Variants in DLGAP2 observed in about 807,000 individuals in gnomAD.
DLGAP2 encodes disks large-associated protein 2.
Under a neutral mutation model 100.3 loss-of-function variants are expected in DLGAP2, and 26 were observed. That is an observed-to-expected ratio of 0.26 (90% CI 0.19 to 0.36). The LOEUF (loss-of-function observed/expected upper bound fraction) is 0.36. Among genes scored for constraint, DLGAP2 ranks in the 10% least tolerant of loss-of-function variants. The probability of loss-of-function intolerance (pLI) is 1.00; values close to 1 mark genes in which losing one functional copy is unlikely to be tolerated. For synonymous variants in DLGAP2, 886 were observed against 630.1 expected (o/e 1.41, Z -6.08); for missense variants, 1,858 against 1,453.2 (o/e 1.28, Z -4.53).
At chr8:1,584,529 G>C (rs762621156) in intron 6 of DLGAP2, among the ~76,000 whole-genome samples, 1 of 152,176 alleles carries the variant, frequency 6.6e-6, no homozygotes, top group Non-Finnish European at 1.5e-5. Context: ...GGAGGGAAGC[G>C]GAGGGGAGAT....
chr8:1,244,599 C>T (rs1246838228), intron 2 of DLGAP2, among the ~76,000 whole-genome samples: 1 of 57,152 alleles, frequency 1.7e-5, no homozygotes, highest in Admixed American at 2.1e-4. Flanking sequence ...CACAGGCAGA[C>T]ACCCCAAATC....
chr8:1,437,449 G>C (rs1349941725), intron 3 of DLGAP2, among the ~76,000 whole-genome samples: 3 of 152,204 alleles, frequency 2.0e-5, no homozygotes, highest in African/African-American at 7.2e-5. Flanking sequence ...GGTTTGTAGC[G>C]TAAGACGATG....
At chr8:1,466,343 C>T (rs1038159384) in intron 3 of DLGAP2, among the ~76,000 whole-genome samples, 1 of 152,126 alleles carries the variant, frequency 6.6e-6, no homozygotes, top group African/African-American at 2.4e-5. Flanking sequence ...GACCCTCATC[C>T]TCAGCCGTGG....
At chr8:1,465,014 G>A (rs1798583851) in intron 3 of DLGAP2, among the ~76,000 whole-genome samples, 1 of 152,240 alleles carries the variant, frequency 6.6e-6, no homozygotes, top group South Asian at 2.1e-4. Flanking sequence ...ATGACCAAAT[G>A]TTGGGGGCTT....
chr8:1,115,477 G>A lies in DLGAP2; in HGVS notation c.74-143374G>A, dbSNP rs762906685. On this transcript the variant is annotated intron_variant, in intron 2 of 14. Transcript: ENST00000637795. ...GGGAATAACTTTTCATCTGAAAATT[G>A]GAGTAGTAATAACTACTTTATAAAA... Among the ~76,000 whole-genome samples, 4 of 152,316 alleles carry A rather than the reference G, an allele frequency of 2.6e-5. No homozygotes were observed. The East Asian group carries it at 7.7e-4, about 29-fold the overall frequency.
chr8:831,861 G>C (rs145197102), intron 1 of DLGAP2, among the ~76,000 whole-genome samples: 1 of 151,392 alleles, frequency 6.6e-6, no homozygotes, highest in East Asian at 1.9e-4. Flanking sequence ...TTTCTCCACA[G>C]CCTCGCCCAC....
intron 5 of DLGAP2, among the ~76,000 whole-genome samples, chr8:1,555,940 A>G (rs148744526): frequency 2.1e-4 from 32 of 152,230 alleles, no homozygotes; most frequent in African/African-American, 7.5e-4. Context: ...GTGTTCCGAA[A>G]AGCACATTGG....
intron 1 of DLGAP2, among the ~76,000 whole-genome samples, chr8:868,447 C>T (rs949037217): frequency 3.3e-5 from 5 of 152,200 alleles, no homozygotes; most frequent in South Asian, 2.1e-4. Flanking sequence ...AGAAACATCT[C>T]GCTGTGAGAA....
At chr8:964,765 C>A (rs536565701) in intron 2 of DLGAP2, among the ~76,000 whole-genome samples, 54 of 152,202 alleles carry the variant, frequency 3.5e-4, no homozygotes, top group Non-Finnish European at 6.9e-4. Context: ...TACCCTCCCC[C>A]GAGGGCCACA....
At chr8:954,521 A>G (rs1161026954) in intron 2 of DLGAP2, among the ~76,000 whole-genome samples, 1 of 152,218 alleles carries the variant, frequency 6.6e-6, no homozygotes, top group East Asian at 1.9e-4. Context: ...GTAACTGAAT[A>G]TTACACAGCA....
intron 2 of DLGAP2, among the ~76,000 whole-genome samples, chr8:998,062 T>C (rs946446424): frequency 2.1e-5 from 3 of 144,724 alleles, no homozygotes; most frequent in African/African-American, 8.7e-5. Context: ...CACAGAAACA[T>C]ATACACATGC....
chr8:1,218,065 T>C (rs112234665), intron 2 of DLGAP2, among the ~76,000 whole-genome samples: 54 of 152,318 alleles, frequency 3.5e-4, no homozygotes, highest in African/African-American at 1.1e-3. Flanking sequence ...GCTCTGTTGA[T>C]AGTTTCTTTT....
At position 1,613,955 on chromosome 8, in the gene DLGAP2, G is replaced by A. The variant is rs118044042; in HGVS notation, c.1443-12785G>A. 5.0e-4 allele frequency among the ~76,000 whole-genome samples: 76 copies of A among 152,254 alleles called. No individual in the cohort carries two copies. In the East Asian group the frequency reaches 0.012, roughly 24 times the overall value. On this transcript the variant is annotated intron_variant, in intron 6 of 14. Transcript: ENST00000637795. ...CATTCTAGCTCTATCAACTATTCCC[G>A]GTACAAATATGAACAGTAAGGCCAG...
chr8:1,045,999 TGA>T (rs1369581484), intron 2 of DLGAP2, among the ~76,000 whole-genome samples: 2 of 151,988 alleles, frequency 1.3e-5, no homozygotes, highest in African/African-American at 2.4e-5. Flanking sequence ...TTTTAATTAG[TGA>T]GAGGGGGAAA....
At chr8:874,153 A>G (rs746590444) in intron 1 of DLGAP2, among the ~76,000 whole-genome samples, 3 of 152,076 alleles carry the variant, frequency 2.0e-5, no homozygotes, top group Non-Finnish European at 2.9e-5. Context: ...ATTTTCAAAA[A>G]GCCACCTTTC....
intron 1 of DLGAP2, among the ~76,000 whole-genome samples, chr8:776,476 T>C (rs1821519134): frequency 6.6e-6 from 1 of 152,222 alleles, no homozygotes; most frequent in Non-Finnish European, 1.5e-5. Context: ...CTGCTTTCTC[T>C]TGTGGGCATT....
chr8:1,536,861 A>C (rs1195884259), intron 4 of DLGAP2, among the ~76,000 whole-genome samples: 4 of 152,164 alleles, frequency 2.6e-5, no homozygotes, highest in African/African-American at 9.7e-5. Context: ...GGCGCTGGCC[A>C]GGCCCAGGAG....
intron 2 of DLGAP2, among the ~76,000 whole-genome samples, chr8:993,589 G>T (rs549390817): frequency 1.3e-5 from 2 of 151,876 alleles, no homozygotes; most frequent in South Asian, 2.1e-4. Flanking sequence ...ATCTCAGCTC[G>T]TGTTCTCCTA....
At chr8:1,316,225 A>G (rs1387257573) in intron 3 of DLGAP2, among the ~76,000 whole-genome samples, 19 of 119,666 alleles carry the variant, frequency 1.6e-4, no homozygotes, top group East Asian at 7.5e-4. Context: ...TCTCTCCAAC[A>G]GTGGTCTACA....
Sources: gnomAD v4.1 joint callset for allele counts (sites outside exome capture counted in the v4.1 genomes callset) on GRCh38, gnomAD v4.1.1 for gene constraint, MANE v1.5 for transcripts, NCBI Gene and HGNC (gene_info 2026-07-23, HGNC 2026-07-21) for gene names.